Variants in CAMTA1 observed in about 807,000 individuals in gnomAD.
CAMTA1 encodes the protein calmodulin-binding transcription activator 1.
CAMTA1 carries 27 observed loss-of-function variants against 170.9 expected under a neutral mutation model. The observed-to-expected ratio is 0.16, with a 90% confidence interval of 0.12 to 0.22. CAMTA1 has a LOEUF of 0.22. Among genes scored for constraint, CAMTA1 ranks in the 10% least tolerant of loss-of-function variants. The probability of loss-of-function intolerance (pLI) is 1.00; values close to 1 mark genes in which losing one functional copy is unlikely to be tolerated. For missense variants in CAMTA1, 1,619 were observed against 2,217.2 expected, an observed-to-expected ratio of 0.73 and a Z score of 5.42; for synonymous variants, 833 against 891.5, an observed-to-expected ratio of 0.93 and a Z score of 1.17.
At chr1:7,021,748 C>T (rs1194765496) in intron 3 of CAMTA1, among the ~76,000 whole-genome samples, 1 of 152,186 alleles carries the variant, frequency 6.6e-6, no homozygotes, top group East Asian at 1.9e-4. Flanking sequence ...AAATCCCCCA[C>T]TCATTTTGAG....
At chr1:6,908,505 G>A (rs1679038284) in intron 3 of CAMTA1, among the ~76,000 whole-genome samples, 2 of 152,190 alleles carry the variant, frequency 1.3e-5, no homozygotes, top group South Asian at 2.1e-4. Flanking sequence ...AACTGGCAAC[G>A]CGATCACCTC....
intron 4 of CAMTA1, among the ~76,000 whole-genome samples, chr1:7,238,276 G>A (rs1470483589): frequency 1.3e-5 from 2 of 151,774 alleles, no homozygotes; most frequent in Admixed American, 1.3e-4. Context: ...GATGAGACTC[G>A]GTGGTTTAGA....
intron 5 of CAMTA1, among the ~76,000 whole-genome samples, chr1:7,407,258 GGCT>G (rs1183047773): frequency 3.9e-5 from 6 of 152,248 alleles, no homozygotes; most frequent in Non-Finnish European, 7.3e-5. Context: ...GGGGGCTCAT[GGCT>G]GCTGGGGTAG....
At chr1:7,143,265 A>G (rs1358233603) in intron 4 of CAMTA1, among the ~76,000 whole-genome samples, 1 of 152,228 alleles carries the variant, frequency 6.6e-6, no homozygotes, top group Non-Finnish European at 1.5e-5. Flanking sequence ...GCTAACAGCC[A>G]TCCATGGTAT....
At chr1:7,548,610 C>A (rs1206978394) in intron 6 of CAMTA1, among the ~76,000 whole-genome samples, 1 of 145,038 alleles carries the variant, frequency 6.9e-6, no homozygotes, top group Non-Finnish European at 1.5e-5. Flanking sequence ...GTGGAGATGC[C>A]CATGGAAGGT....
chr1:7,599,295 C>T (rs939910091), intron 6 of CAMTA1, among the ~76,000 whole-genome samples: 35 of 152,154 alleles, frequency 2.3e-4, no homozygotes, highest in African/African-American at 6.3e-4. Context: ...TTCCATTGGT[C>T]GACATCTCTG....
intron 4 of CAMTA1, among the ~76,000 whole-genome samples, chr1:7,225,187 C>A (rs2149159837): frequency 6.6e-6 from 1 of 152,250 alleles, no homozygotes; most frequent in Non-Finnish European, 1.5e-5. Context: ...CGGGCTCATG[C>A]CATTCTCCTG....
chr1:7,640,390 C>A lies in CAMTA1; in HGVS notation c.511-10C>A. The A allele has an allele frequency of 7.4e-6, 12 of 1,613,668 alleles. No individual in the cohort carries two copies. Among genetic ancestry groups the A allele is most frequent in the Non-Finnish European group, 1.0e-5 (12 of 1,179,864 alleles). ...CACCCTCATGCTGCCAGTCTCTGCT[C>A]TCCCCACAGAACCCCGACATCGTCC... On this transcript the variant is annotated splice_polypyrimidine_tract_variant and intron_variant, in intron 6 of 22. Coordinates refer to ENST00000303635, the MANE Select transcript of CAMTA1 (RefSeq NM_015215.4).
chr1:7,024,165 A>C (rs1252081058), intron 3 of CAMTA1, among the ~76,000 whole-genome samples: 2 of 152,218 alleles, frequency 1.3e-5, no homozygotes, highest in African/African-American at 4.8e-5. Flanking sequence ...GCACATATCT[A>C]ATGGGCATCT....
At chr1:7,661,958 T>C in intron 8 of CAMTA1, 92 bp downstream of exon 8, 2 of 1,401,918 alleles carry the variant, frequency 1.4e-6, no homozygotes, top group Non-Finnish European at 1.9e-6. Flanking sequence ...GGAGTAGCCA[T>C]GACATCTAGT....
At chr1:7,747,585 C>T (rs1265741831) in intron 18 of CAMTA1, 125 bp from the exon 19 acceptor site, 3 of 555,418 alleles carry the variant, frequency 5.4e-6, no homozygotes, top group Non-Finnish European at 9.5e-6. Context: ...AATTAATTAT[C>T]AATATTTTTT....
intron 3 of CAMTA1, among the ~76,000 whole-genome samples, chr1:6,953,576 C>T (rs1688890758): frequency 6.6e-6 from 1 of 152,176 alleles, no homozygotes. Context: ...CCTGCCTGCT[C>T]CTGAATTTCC....
At chr1:7,277,821 G>T in intron 5 of CAMTA1, among the ~76,000 whole-genome samples, 1 of 148,552 alleles carries the variant, frequency 6.7e-6, no homozygotes, top group Admixed American at 6.7e-5. Context: ...ATGCTATTTT[G>T]TATTTTTTTA....
chr1:7,735,265 G>A (rs917283065), intron 12 of CAMTA1, among the ~76,000 whole-genome samples: 2 of 152,138 alleles, frequency 1.3e-5, no homozygotes, highest in African/African-American at 4.8e-5. Context: ...GGAGGCTGAG[G>A]CAGGCAGATC....
intron 3 of CAMTA1, among the ~76,000 whole-genome samples, chr1:6,997,701 C>A (rs1452946397): frequency 7.7e-6 from 1 of 129,190 alleles, no homozygotes; most frequent in Non-Finnish European, 1.6e-5. Flanking sequence ...GCTTTTGTTG[C>A]CCAGGCTGGA....
chr1:6,792,793 T>A (rs1641489701), intron 1 of CAMTA1, among the ~76,000 whole-genome samples: 1 of 152,172 alleles, frequency 6.6e-6, no homozygotes, highest in Non-Finnish European at 1.5e-5. Context: ...ACGTAACATA[T>A]CCTTTCCTGA....
intron 4 of CAMTA1, among the ~76,000 whole-genome samples, chr1:7,156,503 G>A (rs2148723088): frequency 6.6e-6 from 1 of 152,274 alleles, no homozygotes; most frequent in East Asian, 1.9e-4. Context: ...TTCAAAATGA[G>A]CTCCCTCTGA....
chr1:7,037,147 G>A (rs960500495), intron 3 of CAMTA1, among the ~76,000 whole-genome samples: 8 of 152,172 alleles, frequency 5.3e-5, no homozygotes, highest in African/African-American at 1.4e-4. Flanking sequence ...AAAGAGAGAC[G>A]ATACACTTGC....
Position 6,918,214 on chromosome 1 carries a change from G to A in CAMTA1, c.234+93004G>A, listed in dbSNP as rs1006288009. 2.0e-5 allele frequency among the ~76,000 whole-genome samples: 3 copies of A among 152,334 alleles called. No individual in the cohort carries two copies. The highest frequency in any genetic ancestry group is 6.5e-5 in the Admixed American group (1 of 15,310). ...TGAAAAGGGAAGACATATTGGAGGA[G>A]GAGAAACCTTTCACCCAGCCCTAAA... is the stretch of plus-strand genomic sequence containing the variant. On this transcript the variant is annotated intron_variant, in intron 3 of 22. Coordinates refer to ENST00000303635, the MANE Select transcript of CAMTA1 (RefSeq NM_015215.4). The surrounding 1 kb of genome is among the most constrained non-coding windows in gnomAD (Gnocchi z 4.0).
Sources: gnomAD v4.1 joint callset for allele counts (sites outside exome capture counted in the v4.1 genomes callset) on GRCh38, gnomAD v4.1.1 for gene constraint, Gnocchi (gnomAD v3.1) non-coding constraint, MANE v1.5 for transcripts, NCBI Gene and HGNC (gene_info 2026-07-23, HGNC 2026-07-21) for gene names.